STPG2: variants seen among roughly 807,000 people sequenced by gnomAD.
The protein encoded by STPG2 is sperm tail PG-rich repeat containing 2.
STPG2 carries 56 observed loss-of-function variants against 54.2 expected under a neutral mutation model. The observed-to-expected ratio is 1.03, with a 90% CI of 0.83 to 1.29. The LOEUF is 1.29. Among genes scored for constraint, STPG2 ranks in the 50% most tolerant of loss-of-function variants. The probability of loss-of-function intolerance (pLI) is 0.00; values close to 1 mark genes in which losing one functional copy is unlikely to be tolerated. For synonymous variants in STPG2, 200 were observed against 181.8 expected, an observed-to-expected ratio of 1.10 and a Z score of -0.81; for missense variants, 596 against 544.9, an observed-to-expected ratio of 1.09 and a Z score of -0.93.
At chr4:98,035,204 A>C (rs4428292) in intron 5 of STPG2, among the ~76,000 whole-genome samples, 59,877 of 151,958 alleles carry the variant, frequency 0.39, 12,015 homozygotes, top group Middle Eastern at 0.46. Flanking sequence ...CTCCATCTGA[A>C]AAAGGGCTAA....
chr4:97,488,180 C>A (rs1455623096), intron 4 of STPG2, among the ~76,000 whole-genome samples: 4 of 151,514 alleles, frequency 2.6e-5, no homozygotes, highest in Non-Finnish European at 5.9e-5. Context: ...AATAAATGAA[C>A]CAAATCTGCA....
intron 3 of STPG2, among the ~76,000 whole-genome samples, chr4:98,120,436 G>C (rs923212222): frequency 6.6e-6 from 1 of 152,138 alleles, no homozygotes; most frequent in Non-Finnish European, 1.5e-5. Flanking sequence ...CCAGTAATAA[G>C]ATTGCTGGGT....
At chr4:98,109,380 C>T in intron 3 of STPG2, 75 bp from the exon 4 acceptor site, 1 of 1,125,924 alleles carries the variant, frequency 8.9e-7, no homozygotes, top group South Asian at 1.6e-5. Context: ...TTTGGCTTTA[C>T]CTAAGTCTAA....
At chr4:97,844,549 T>G (rs1046704896) in intron 8 of STPG2, among the ~76,000 whole-genome samples, 5 of 152,068 alleles carry the variant, frequency 3.3e-5, no homozygotes, top group African/African-American at 1.2e-4. Context: ...CAATTAGTGA[T>G]ACTGTTTCCA....
rs187622112 is a variant in STPG2 at position 97,883,811 on chromosome 4, G to A, written c.1045-42879C>T. On this transcript the variant is annotated intron_variant, in intron 8 of 10. Transcript: ENST00000295268. ...AAATCCTCTTAGAAAGGGGAAGAGA[G>A]AGAAAGAAGGCTTCTCGTCATATTT... Among the ~76,000 whole-genome samples the A allele has an allele frequency of 1.6e-4, 25 of 152,304 alleles. 2 individuals are homozygous for A. In the East Asian group the frequency reaches 4.8e-3, roughly 29 times the overall value.
intron 9 of STPG2, among the ~76,000 whole-genome samples, chr4:97,732,814 T>C (rs111507525): frequency 0.012 from 1,898 of 151,874 alleles, 34 homozygotes; most frequent in African/African-American, 0.044. Context: ...GATATAAAAA[T>C]GGCCAACAAA....
intron 10 of STPG2, among the ~76,000 whole-genome samples, chr4:97,591,709 G>A (rs1733151028): frequency 6.6e-6 from 1 of 152,102 alleles, no homozygotes; most frequent in Non-Finnish European, 1.5e-5. Context: ...TTCTCTTCTT[G>A]CATCAATATC....
At chr4:97,541,705 A>G (rs887901741) in intron 4 of STPG2, among the ~76,000 whole-genome samples, 1 of 152,194 alleles carries the variant, frequency 6.6e-6, no homozygotes, top group African/African-American at 2.4e-5. Flanking sequence ...GCATCACACT[A>G]TCTGACTTCA....
intron 8 of STPG2, among the ~76,000 whole-genome samples, chr4:97,897,168 C>T (rs1397444429): frequency 1.3e-5 from 2 of 152,054 alleles, no homozygotes; most frequent in Non-Finnish European, 2.9e-5. Context: ...ATTTGGTTTT[C>T]TGTTCCTGCA....
intron 4 of STPG2, among the ~76,000 whole-genome samples, chr4:97,512,502 T>C (rs765773816): frequency 2.0e-5 from 3 of 151,980 alleles, no homozygotes; most frequent in Non-Finnish European, 2.9e-5. Context: ...GATATCATAG[T>C]AGCTAAAGCT....
At chr4:97,862,806 T>C (rs996091204) in intron 8 of STPG2, among the ~76,000 whole-genome samples, 71 of 151,950 alleles carry the variant, frequency 4.7e-4, no homozygotes, top group African/African-American at 1.7e-3. Context: ...TCAAAACCAC[T>C]CAACTACATG....
intron 1 of STPG2, among the ~76,000 whole-genome samples, chr4:98,140,049 G>A (rs1578190126): frequency 6.6e-6 from 1 of 152,176 alleles, no homozygotes; most frequent in East Asian, 1.9e-4. Context: ...GGTCATTAAG[G>A]AGTCAGAGAA....
chr4:97,449,751 A>G (rs1729317747), intron 4 of STPG2, among the ~76,000 whole-genome samples: 1 of 152,190 alleles, frequency 6.6e-6, no homozygotes, highest in African/African-American at 2.4e-5. Flanking sequence ...TTAGATTTAT[A>G]GTTTTTCATT....
intron 5 of STPG2, among the ~76,000 whole-genome samples, chr4:98,092,446 T>C (rs1738720588): frequency 6.6e-6 from 1 of 152,102 alleles, no homozygotes; most frequent in African/African-American, 2.4e-5. Flanking sequence ...AGTAATAAAT[T>C]GCCAAGTGCC....
At chr4:97,760,730 A>C (rs1725866502) in intron 9 of STPG2, among the ~76,000 whole-genome samples, 1 of 152,190 alleles carries the variant, frequency 6.6e-6, no homozygotes, top group Admixed American at 6.6e-5. Context: ...CTAGTTTCCC[A>C]TTGCTGCTGT....
chr4:97,561,764 T>C (rs1315652660), intron 10 of STPG2, among the ~76,000 whole-genome samples: 1 of 152,190 alleles, frequency 6.6e-6, no homozygotes, highest in African/African-American at 2.4e-5. Context: ...TATGCAGCGT[T>C]ATTTCTGGGG....
intron 4 of STPG2, among the ~76,000 whole-genome samples, chr4:97,462,870 AG>A (rs1729698170): frequency 7.2e-5 from 11 of 152,130 alleles, no homozygotes; most frequent in Non-Finnish European, 1.5e-5. Context: ...ACTCCAGTAT[AG>A]AATTGAATAG....
chr4:97,805,837 TAA>T (rs79439800), intron 9 of STPG2, among the ~76,000 whole-genome samples: 22 of 130,014 alleles, frequency 1.7e-4, no homozygotes, highest in African/African-American at 2.2e-4. Context: ...TATTAAAAAG[TAA>T]AAAAAAAAAA....
chr4:98,135,192 T>G (rs1471173961), intron 1 of STPG2, among the ~76,000 whole-genome samples: 1 of 151,820 alleles, frequency 6.6e-6, no homozygotes. Context: ...AAGTGAAGAC[T>G]CAAAACTTTT....
Sources: gnomAD v4.1 joint callset for allele counts (sites outside exome capture counted in the v4.1 genomes callset) on GRCh38, gnomAD v4.1.1 for gene constraint, MANE v1.5 for transcripts, NCBI Gene and HGNC (gene_info 2026-07-23, HGNC 2026-07-21) for gene names.